LSAMP: variants seen among roughly 807,000 people sequenced by gnomAD.
LSAMP encodes limbic system-associated membrane protein.
A neutral mutation model predicts 38.6 loss-of-function variants in LSAMP; 7 were observed. That is an observed-to-expected ratio of 0.18 (90% confidence interval 0.10 to 0.34). The LOEUF is 0.34. Among genes scored for constraint, LSAMP ranks in the 10% least tolerant of loss-of-function variants. The pLI is 1.00. For synonymous variants in LSAMP, 154 were observed against 166.8 expected (o/e 0.92, Z 0.59); for missense variants, 313 against 420.0 (o/e 0.75, Z 2.23).
At chr3:116,197,263 C>T (rs1207215236) in intron 1 of LSAMP, among the ~76,000 whole-genome samples, 1 of 152,102 alleles carries the variant, frequency 6.6e-6, no homozygotes, top group Non-Finnish European at 1.5e-5. Flanking sequence ...AGGAGAGAGA[C>T]AAGAACTGCA....
At chr3:116,218,516 A>G (rs1178116803) in intron 1 of LSAMP, among the ~76,000 whole-genome samples, 1 of 152,222 alleles carries the variant, frequency 6.6e-6, no homozygotes, top group Non-Finnish European at 1.5e-5. Context: ...TAGATTTGTC[A>G]AATTCACTTC....
At chr3:116,356,459 A>G (rs2048224665) in intron 1 of LSAMP, among the ~76,000 whole-genome samples, 1 of 152,168 alleles carries the variant, frequency 6.6e-6, no homozygotes, top group Non-Finnish European at 1.5e-5. Flanking sequence ...GGGTGGTGGG[A>G]AATGGGGAAG....
chr3:116,204,895 G>T (rs1244009303), intron 1 of LSAMP, among the ~76,000 whole-genome samples: 1 of 141,106 alleles, frequency 7.1e-6, no homozygotes, highest in Non-Finnish European at 1.6e-5. Context: ...GCTCTTTTTT[G>T]GTTCCATATG....
chr3:116,219,769 C>CA (rs1314767828), intron 1 of LSAMP, among the ~76,000 whole-genome samples: 4 of 151,844 alleles, frequency 2.6e-5, no homozygotes, highest in African/African-American at 7.3e-5. Context: ...ACAAATAACT[C>CA]AAAAAAATAA....
At chr3:116,163,616 G>A (rs1205384186) in intron 1 of LSAMP, among the ~76,000 whole-genome samples, 1 of 151,872 alleles carries the variant, frequency 6.6e-6, no homozygotes, top group Non-Finnish European at 1.5e-5. Context: ...TGGGTCAAAT[G>A]GTATTTCTAG....
intron 2 of LSAMP, among the ~76,000 whole-genome samples, chr3:116,048,172 G>A (rs1329675251): frequency 6.6e-6 from 1 of 152,178 alleles, no homozygotes; most frequent in Non-Finnish European, 1.5e-5. Context: ...ATGGTAAAGG[G>A]ATTTGTTGTT....
chr3:116,421,295 C>T (rs949957562), intron 1 of LSAMP, among the ~76,000 whole-genome samples: 2 of 151,988 alleles, frequency 1.3e-5, no homozygotes, highest in South Asian at 2.1e-4. Flanking sequence ...TGGGGCCAGG[C>T]GTGGTAGCTC....
chr3:115,874,343 C>A (rs1377532382), intron 3 of LSAMP, among the ~76,000 whole-genome samples: 1 of 152,066 alleles, frequency 6.6e-6, no homozygotes. Context: ...TCTTCCTAAG[C>A]CCTGCTTGAA....
intron 1 of LSAMP, among the ~76,000 whole-genome samples, chr3:116,173,544 A>G (rs1307369362): frequency 1.3e-5 from 2 of 152,048 alleles, no homozygotes; most frequent in Non-Finnish European, 2.9e-5. Flanking sequence ...CTTTCTTTAT[A>G]GTAGGGATAG....
intron 1 of LSAMP, among the ~76,000 whole-genome samples, chr3:116,278,190 G>A (rs978443894): frequency 3.3e-5 from 5 of 152,094 alleles, no homozygotes; most frequent in Non-Finnish European, 5.9e-5. Flanking sequence ...GCTTTGGGGA[G>A]CAAAAAATGT....
chr3:116,431,775 T>G (rs1172055400), intron 1 of LSAMP, among the ~76,000 whole-genome samples: 1 of 152,134 alleles, frequency 6.6e-6, no homozygotes, highest in African/African-American at 2.4e-5. Flanking sequence ...CCAGTCATCT[T>G]CATTAAGCAT....
intron 3 of LSAMP, among the ~76,000 whole-genome samples, chr3:115,890,781 A>AT (rs1379208270): frequency 6.6e-6 from 1 of 151,872 alleles, no homozygotes; most frequent in African/African-American, 2.4e-5. Context: ...ATGTGAAAAG[A>AT]GTTTCATGCA....
intron 3 of LSAMP, among the ~76,000 whole-genome samples, chr3:115,995,113 A>G (rs914715941): frequency 3.3e-5 from 5 of 152,130 alleles, no homozygotes; most frequent in African/African-American, 1.2e-4. Flanking sequence ...CTTTCCATAC[A>G]TAGTATTCAC....
chr3:116,098,108 A>G (rs1202165497), intron 1 of LSAMP, among the ~76,000 whole-genome samples: 1 of 152,162 alleles, frequency 6.6e-6, no homozygotes, highest in African/African-American at 2.4e-5. Flanking sequence ...TGCAAACTGA[A>G]GGAGATATAA....
At chr3:116,060,437 A>AACACAC (rs61085045) in intron 2 of LSAMP, among the ~76,000 whole-genome samples, 15 of 150,828 alleles carry the variant, frequency 9.9e-5, no homozygotes, top group African/African-American at 3.6e-4. Flanking sequence ...TTACTTTTAA[A>AACACAC]ACACACACAC....
At chr3:115,954,043 TATG>T (rs1183474111) in intron 3 of LSAMP, among the ~76,000 whole-genome samples, 2 of 152,368 alleles carry the variant, frequency 1.3e-5, no homozygotes, top group African/African-American at 2.4e-5. Flanking sequence ...TTCTGTCACA[TATG>T]ATGATCTGAG....
intron 2 of LSAMP, among the ~76,000 whole-genome samples, chr3:116,046,751 G>T (rs1392297548): frequency 1.3e-5 from 2 of 152,164 alleles, no homozygotes; most frequent in Non-Finnish European, 2.9e-5. Flanking sequence ...CAAATAATAA[G>T]CATCTTCTGA....
intron 1 of LSAMP, among the ~76,000 whole-genome samples, chr3:116,123,838 C>T (rs773332257): frequency 2.6e-5 from 4 of 152,142 alleles, no homozygotes; most frequent in Non-Finnish European, 5.9e-5. Context: ...TGACTTAATT[C>T]ATTGGGTGCC....
At chr3:116,165,810 T>A (rs1251555282) in intron 1 of LSAMP, among the ~76,000 whole-genome samples, 1 of 152,172 alleles carries the variant, frequency 6.6e-6, no homozygotes, top group East Asian at 1.9e-4. Context: ...GGGGCCTGCA[T>A]GGCTGAGCCC....
Sources: gnomAD v4.1 joint callset for allele counts (sites outside exome capture counted in the v4.1 genomes callset) on GRCh38, gnomAD v4.1.1 for gene constraint, MANE v1.5 for transcripts, NCBI Gene and HGNC (gene_info 2026-07-23, HGNC 2026-07-21) for gene names.